The following SUMF1 variants were observed in gnomAD, a reference collection of about 807,000 sequenced individuals.
The protein encoded by SUMF1 is formylglycine-generating enzyme.
Under a neutral mutation model 47.6 loss-of-function variants are expected in SUMF1, and 48 were observed. The observed-to-expected ratio is 1.01, with a 90% confidence interval of 0.80 to 1.28. The LOEUF (loss-of-function observed/expected upper bound fraction) is 1.28. SUMF1 is among the 50% of genes most tolerant of loss of function. The probability of loss-of-function intolerance (pLI) is 0.00; values close to 1 mark genes in which losing one functional copy is unlikely to be tolerated. For missense variants in SUMF1, 571 were observed against 485.4 expected (o/e 1.18, Z -1.66); for synonymous variants, 230 against 192.1 (o/e 1.20, Z -1.63).
At chr3:4,275,837 C>T (rs557993792) in intron 8 of SUMF1, among the ~76,000 whole-genome samples, 509 of 152,210 alleles carry the variant, frequency 3.3e-3, no homozygotes, top group African/African-American at 0.011. Flanking sequence ...ATGGTACAAG[C>T]GTCAGAACTA....
chr3:4,192,901 C>G (rs945538936), intron 8 of SUMF1, among the ~76,000 whole-genome samples: 1 of 152,146 alleles, frequency 6.6e-6, no homozygotes, highest in Non-Finnish European at 1.5e-5. Flanking sequence ...ATGATGGGCC[C>G]TGCTTCCAAA....
chr3:4,175,121 A>G (rs866657004), intron 8 of SUMF1, among the ~76,000 whole-genome samples: 5 of 152,328 alleles, frequency 3.3e-5, no homozygotes, highest in Middle Eastern at 3.4e-3. Flanking sequence ...TGAACAAAAG[A>G]AAGCAGACAA....
chr3:4,213,883 A>T (rs1310530197), intron 8 of SUMF1, among the ~76,000 whole-genome samples: 2 of 152,194 alleles, frequency 1.3e-5, no homozygotes, highest in African/African-American at 2.4e-5. Context: ...ATATGCACCC[A>T]ATACAGGAGG....
At chr3:4,418,220 T>A (rs1180249147) in intron 4 of SUMF1, 88 bp from the exon 5 acceptor site, 3 of 1,577,060 alleles carry the variant, frequency 1.9e-6, no homozygotes, top group African/African-American at 1.3e-5. Flanking sequence ...ATAATCCCCC[T>A]CAGTTCAATC....
intron 8 of SUMF1, among the ~76,000 whole-genome samples, chr3:4,117,785 C>G (rs952376879): frequency 2.6e-5 from 4 of 152,076 alleles, no homozygotes; most frequent in African/African-American, 9.7e-5. Context: ...GTTTTCTGCT[C>G]TGTCTGAAAT....
chr3:4,448,408 T>C (rs1325265812), intron 3 of SUMF1, among the ~76,000 whole-genome samples: 3 of 150,102 alleles, frequency 2.0e-5, no homozygotes, highest in Non-Finnish European at 4.4e-5. Flanking sequence ...CTGGATTCCT[T>C]CGTCTTCAAT....
intron 8 of SUMF1, among the ~76,000 whole-genome samples, chr3:4,125,190 G>A (rs1159393940): frequency 6.6e-6 from 1 of 151,888 alleles, no homozygotes; most frequent in African/African-American, 2.4e-5. Flanking sequence ...AGCCACATGT[G>A]GATATTTAAA....
At chr3:4,436,924 T>C (rs1702422536) in intron 3 of SUMF1, among the ~76,000 whole-genome samples, 1 of 144,862 alleles carries the variant, frequency 6.9e-6, no homozygotes, top group African/African-American at 2.5e-5. Context: ...TTAAAGGCAA[T>C]AATAAATACC....
intron 8 of SUMF1, among the ~76,000 whole-genome samples, chr3:4,196,440 C>A (rs1005131259): frequency 1.3e-5 from 2 of 152,068 alleles, no homozygotes; most frequent in Non-Finnish European, 2.9e-5. Context: ...GAGTGCACTG[C>A]AATTTTCTGG....
rs571033398 is a variant in SUMF1 at position 4,343,961 on chromosome 3, C to A, written c.1014+32369G>T. 2.6e-5 allele frequency among the ~76,000 whole-genome samples: 4 copies of A among 152,246 alleles called. No homozygotes were observed. The South Asian group carries it at 6.2e-4, about 24-fold the overall frequency. On this transcript the variant is annotated intron_variant and NMD_transcript_variant, in intron 8 of 12. Coordinates refer to the SUMF1 transcript ENST00000448413. ...ATTAATTCAGCTATTTTAAAAAGACCTAGACCTTTATAGAACTTTCACAAG... is the reference window on the plus strand; with the variant it reads ...ATTAATTCAGCTATTTTAAAAAGACATAGACCTTTATAGAACTTTCACAAG...
At chr3:4,330,732 A>T (rs1028957496) in intron 8 of SUMF1, among the ~76,000 whole-genome samples, 1 of 152,196 alleles carries the variant, frequency 6.6e-6, no homozygotes, top group African/African-American at 2.4e-5. Context: ...ATGTTTTCTT[A>T]TCTCTTAGTA....
chr3:4,136,769 T>C (rs1160644593), intron 8 of SUMF1, among the ~76,000 whole-genome samples: 3 of 149,286 alleles, frequency 2.0e-5, no homozygotes, highest in East Asian at 2.0e-4. Flanking sequence ...TCAAACAAAT[T>C]TACAAGAAAA....
At chr3:4,448,519 G>A (rs1438818108) in intron 3 of SUMF1, among the ~76,000 whole-genome samples, 1 of 151,824 alleles carries the variant, frequency 6.6e-6, no homozygotes, top group Non-Finnish European at 1.5e-5. Context: ...TCTTTGTTTT[G>A]TGAACCCTCA....
intron 8 of SUMF1, among the ~76,000 whole-genome samples, chr3:4,374,542 T>C (rs1239281692): frequency 6.6e-6 from 1 of 152,050 alleles, no homozygotes; most frequent in African/African-American, 2.4e-5. Context: ...CTTAAAATGT[T>C]TTTTACAAGC....
rs112157269 is a variant in SUMF1 at position 4,347,314 on chromosome 3, A to T, written c.1014+29016T>A. Among the ~76,000 whole-genome samples, 5 of 152,350 alleles carry T rather than the reference A, an allele frequency of 3.3e-5. 1 individual carries two copies. The highest frequency in any genetic ancestry group is 1.2e-4 in the African/African-American group (5 of 41,580). On this transcript the variant is annotated intron_variant and NMD_transcript_variant, in intron 8 of 12. Transcript: ENST00000448413. ...AGAGTGGCAAACCGAATCCAGCAGCACATCAAACAACTTACCCACCACAAT... is the reference window on the plus strand; with the variant it reads ...AGAGTGGCAAACCGAATCCAGCAGCTCATCAAACAACTTACCCACCACAAT...
At chr3:4,400,599 A>T (rs1286509310) in intron 7 of SUMF1, among the ~76,000 whole-genome samples, 2 of 152,244 alleles carry the variant, frequency 1.3e-5, no homozygotes, top group Admixed American at 1.3e-4. Context: ...TGTTCCAACC[A>T]AGAGGCGCTT....
chr3:4,467,222 C>T lies in SUMF1; in HGVS notation c.24G>A (p.Leu8=), dbSNP rs2079980519. 2 of 1,611,374 alleles carry T rather than the reference C, an allele frequency of 1.2e-6. No individual in the cohort carries two copies. The highest frequency in any genetic ancestry group is 1.3e-5 in the African/African-American group (1 of 75,008). Reference sequence around the variant, plus strand: ...CCAGCTCAGGGCAACGTCCACACACCAGCCCTAGTGCGGGCGCAGCCATGT... The same window carrying T: ...CCAGCTCAGGGCAACGTCCACACACTAGCCCTAGTGCGGGCGCAGCCATGT... The part of the protein sequence containing the change: MAAPALG[L]VCGRCPELGL... Residue 8 remains leucine (L), a synonymous_variant, in exon 1 of 9, where the codon CTG becomes CTA. Coordinates refer to ENST00000272902, the MANE Select transcript of SUMF1 (RefSeq NM_182760.4).
intron 2 of SUMF1, among the ~76,000 whole-genome samples, chr3:4,449,633 A>T (rs1039985757): frequency 6.6e-6 from 1 of 152,254 alleles, no homozygotes; most frequent in Non-Finnish European, 1.5e-5. Flanking sequence ...CATTTCCCCA[A>T]GTATCACAAA....
chr3:4,308,778 TC>T (rs1348756332), intron 8 of SUMF1, among the ~76,000 whole-genome samples: 3 of 152,208 alleles, frequency 2.0e-5, no homozygotes, highest in African/African-American at 4.8e-5. Flanking sequence ...TAGTCTAACC[TC>T]CTAATTGAAG....
Sources: gnomAD v4.1 joint callset for allele counts (sites outside exome capture counted in the v4.1 genomes callset) on GRCh38, gnomAD v4.1.1 for gene constraint, MANE v1.5 for transcripts, NCBI Gene and HGNC (gene_info 2026-07-23, HGNC 2026-07-21) for gene names.